Variants in CCNY observed in about 807,000 individuals in gnomAD.
CCNY encodes the protein cyclin Y.
Under a neutral mutation model 42.8 loss-of-function variants are expected in CCNY, and 19 were observed. That is an observed-to-expected ratio of 0.44 (90% confidence interval 0.31 to 0.65). The LOEUF is 0.65. CCNY is among the 30% of genes least tolerant of loss of function. The probability of loss-of-function intolerance (pLI) is 0.07; values close to 1 mark genes in which losing one functional copy is unlikely to be tolerated. For synonymous variants in CCNY, 165 were observed against 162.7 expected (o/e 1.01, Z -0.11); for missense variants, 370 against 437.3 (o/e 0.85, Z 1.37).
chr10:35,543,388 T>C (rs1841045023), intron 7 of CCNY, among the ~76,000 whole-genome samples: 2 of 152,208 alleles, frequency 1.3e-5, no homozygotes, highest in Admixed American at 1.3e-4. Context: ...AGCAATGAGC[T>C]GTAACAATAT....
chr10:35,259,406 A>G (rs569310455), intron 3 of CCNY, among the ~76,000 whole-genome samples: 1 of 147,986 alleles, frequency 6.8e-6, no homozygotes. Flanking sequence ...GGATCTCACT[A>G]TGTTGCCCAA....
chr10:35,313,187 G>A (rs1401830868), intron 3 of CCNY, among the ~76,000 whole-genome samples: 5 of 152,034 alleles, frequency 3.3e-5, no homozygotes, highest in Non-Finnish European at 5.9e-5. Context: ...TGAAAGTGTG[G>A]AAAAACTGGA....
At position 35,571,490 on chromosome 10, in the gene CCNY, T is replaced by C. The variant is rs1841684918; in HGVS notation, c.*2320T>C. On this transcript the variant is annotated 3_prime_UTR_variant, in exon 10 of 10. Coordinates refer to ENST00000374704, the MANE Select transcript of CCNY (RefSeq NM_145012.6). Reference sequence around the variant, plus strand: ...AGGAAAATTTTCCATATTCATTAATTAGTGTTGATCTGTATTAATTGGTTA... The same window carrying C: ...AGGAAAATTTTCCATATTCATTAATCAGTGTTGATCTGTATTAATTGGTTA... 6.6e-6 allele frequency: 1 copy of C among 152,356 alleles called. No homozygotes were observed. Among genetic ancestry groups the C allele is most frequent in the African/African-American group, 2.4e-5 (1 of 41,456 alleles). The allele number at this position is 152,356 out of a possible 1,614,324, so 9.4% of individuals were successfully genotyped here.
intron 1 of CCNY, among the ~76,000 whole-genome samples, chr10:35,430,768 T>G (rs1412426334): frequency 1.3e-5 from 2 of 152,194 alleles, no homozygotes; most frequent in Non-Finnish European, 2.9e-5. Context: ...GGCATAATTT[T>G]ATGTGGTAGG....
chr10:35,267,319 A>G (rs1046555069), intron 3 of CCNY, among the ~76,000 whole-genome samples: 1 of 151,972 alleles, frequency 6.6e-6, no homozygotes, highest in Non-Finnish European at 1.5e-5. Flanking sequence ...TAGAAAAAAA[A>G]AAAAAAAGAG....
Position 35,483,406 on chromosome 10 carries a change from T to G in CCNY, c.157T>G (p.Leu53Val). The G allele has an allele frequency of 1.3e-6, 2 of 1,597,206 alleles. No individual in the cohort carries two copies. The highest frequency in any genetic ancestry group is 1.7e-5 in the Admixed American group (1 of 59,338). Residue 53 changes from leucine (L) to valine (V), a missense_variant and splice_region_variant, in exon 2 of 10, where the codon TTG becomes GTG. Leu to Val is a conservative substitution (Grantham distance 32). This residue lies in a region of CCNY where 136 missense variants were observed against 124.2 expected (regional missense o/e 1.09). Coordinates refer to ENST00000374704, the MANE Select transcript of CCNY (RefSeq NM_145012.6). ...HISDRENIDD[L>V]NMEFNPSDHP... Reference sequence around the variant, plus strand: ...AATTTATTTTCCTTTCTTTAAAGATTTGAACATGGAATTCAATCCTTCAGA... The same window carrying G: ...AATTTATTTTCCTTTCTTTAAAGATGTGAACATGGAATTCAATCCTTCAGA...
intron 1 of CCNY, among the ~76,000 whole-genome samples, chr10:35,470,945 C>G (rs2135345482): frequency 6.6e-6 from 1 of 152,324 alleles, no homozygotes; most frequent in Non-Finnish European, 1.5e-5. Context: ...GGAAATGTGA[C>G]TACCTAAAAT....
intron 3 of CCNY, among the ~76,000 whole-genome samples, chr10:35,318,541 T>C (rs554010700): frequency 2.6e-5 from 4 of 152,318 alleles, no homozygotes; most frequent in East Asian, 1.9e-4. Flanking sequence ...TTCGAGGTAG[T>C]TGAGTAGCTA....
intron 4 of CCNY, among the ~76,000 whole-genome samples, chr10:35,523,700 A>G (rs918686827): frequency 6.6e-6 from 1 of 152,242 alleles, no homozygotes; most frequent in African/African-American, 2.4e-5. Flanking sequence ...TACTAGGGGA[A>G]TATCAATAAT....
chr10:35,524,230 C>G (rs1330631429), intron 4 of CCNY, among the ~76,000 whole-genome samples: 1 of 152,198 alleles, frequency 6.6e-6, no homozygotes, highest in Non-Finnish European at 1.5e-5. Context: ...CGTGAAAACA[C>G]TTTGAAAACC....
At position 35,569,397 on chromosome 10, in the gene CCNY, G is replaced by A. The variant is rs1394417569; in HGVS notation, c.*227G>A. 1.6e-5 allele frequency: 9 copies of A among 545,924 alleles called. No homozygotes were observed. The highest frequency in any genetic ancestry group is 7.6e-5 in the African/African-American group (4 of 52,892). The allele number at this position is 545,924 out of a possible 1,614,324, so 33.8% of individuals were successfully genotyped here. On this transcript the variant is annotated 3_prime_UTR_variant, in exon 10 of 10. Transcript: ENST00000374704. ...CACTGTCAGCAACAGCACTTCCTTC[G>A]TGGAGGAAGTGGACTCGAATCCTGG...
At chr10:35,488,971 T>C (rs1285844813) in intron 2 of CCNY, among the ~76,000 whole-genome samples, 2 of 152,332 alleles carry the variant, frequency 1.3e-5, no homozygotes, top group East Asian at 3.9e-4. Flanking sequence ...CACACTATCA[T>C]ATTCTTTTCT....
At chr10:35,272,959 A>G (rs1835191907) in intron 3 of CCNY, among the ~76,000 whole-genome samples, 1 of 150,558 alleles carries the variant, frequency 6.6e-6, no homozygotes, top group Admixed American at 6.6e-5. Context: ...AATAATGGTC[A>G]CTCTGACTGG....
rs10558250 is a variant in CCNY at position 35,412,860 on chromosome 10, C to CAA, written c.155-70517_155-70516dup. Among the ~76,000 whole-genome samples, 243 of 34,740 alleles carry CAA rather than the reference C, an allele frequency of 7.0e-3. 9 individuals are homozygous for CAA. Among genetic ancestry groups the CAA allele is most frequent in the Middle Eastern group, 0.028 (1 of 36 alleles). 22.8% of individuals were successfully genotyped at this position (34,740 alleles called of 152,430 possible). On this transcript the variant is annotated intron_variant, in intron 1 of 9. Coordinates refer to ENST00000374704, the MANE Select transcript of CCNY (RefSeq NM_145012.6). The stretch of plus-strand genomic sequence containing the variant: ...TGGGCGACAGAGCGAGACTCTGTCT[C>CAA]AAAAAAAAAAAAAAAAAAAAAAAAA...
At chr10:35,369,395 G>A (rs1478565017) in intron 1 of CCNY, among the ~76,000 whole-genome samples, 2 of 152,212 alleles carry the variant, frequency 1.3e-5, no homozygotes, top group African/African-American at 4.8e-5. Context: ...GCTCCACACG[G>A]TTTAGGGAAG....
At chr10:35,426,527 T>G (rs531101255) in intron 1 of CCNY, among the ~76,000 whole-genome samples, 2 of 152,316 alleles carry the variant, frequency 1.3e-5, no homozygotes, top group East Asian at 3.9e-4. Context: ...TGACTTTGGG[T>G]GGCCATCAAG....
intron 1 of CCNY, among the ~76,000 whole-genome samples, chr10:35,466,528 C>T (rs575718203): frequency 6.6e-6 from 1 of 152,290 alleles, no homozygotes; most frequent in South Asian, 2.1e-4. Context: ...AGAGAGTTCT[C>T]AGGTGTGTCC....
intron 7 of CCNY, among the ~76,000 whole-genome samples, chr10:35,543,996 A>G (rs991761667): frequency 6.6e-6 from 1 of 152,250 alleles, no homozygotes; most frequent in East Asian, 1.9e-4. Context: ...ATTTTTGTAC[A>G]GCTGTATGAT....
intron 3 of CCNY, among the ~76,000 whole-genome samples, chr10:35,321,446 G>A (rs1835821261): frequency 6.6e-6 from 1 of 152,102 alleles, no homozygotes; most frequent in Non-Finnish European, 1.5e-5. Flanking sequence ...GCTGAGGTGG[G>A]AAGACTGCTT....
Sources: gnomAD v4.1 joint callset for allele counts (sites outside exome capture counted in the v4.1 genomes callset) on GRCh38, gnomAD v4.1.1 for gene constraint, gnomAD v4.1.1 regional missense constraint, MANE v1.5 for transcripts, NCBI Gene and HGNC (gene_info 2026-07-23, HGNC 2026-07-21) for gene names.